CSNK2A2IP: variants seen among roughly 807,000 people sequenced by gnomAD.
CSNK2A2IP encodes the protein casein kinase 2 subunit alpha' interacting protein.
the CSNK2A2IP span, among the ~76,000 whole-genome samples, chr3:88,428,028 G>C: frequency 1.4e-4 from 21 of 152,160 alleles, no homozygotes; most frequent in South Asian, 2.1e-4. Context: ...CAGCCAGAAG[G>C]GGGGCTGTGG....
At chr3:88,466,317 C>T in the CSNK2A2IP span, 1 of 1,231,730 alleles carries the variant, frequency 8.1e-7, no homozygotes, top group East Asian at 3.2e-5. Flanking sequence ...TGTTTCAGCT[C>T]AATTCTCAGT....
chr3:88,440,356 A>C, the CSNK2A2IP span, among the ~76,000 whole-genome samples: 28 of 152,322 alleles, frequency 1.8e-4, no homozygotes, highest in East Asian at 4.4e-3. Flanking sequence ...GTAATTGGTA[A>C]CATACAATAG....
the CSNK2A2IP span, among the ~76,000 whole-genome samples, chr3:88,379,553 G>A: frequency 6.6e-6 from 1 of 151,992 alleles, no homozygotes; most frequent in Non-Finnish European, 1.5e-5. Context: ...TATTTTTGTA[G>A]GGTCTGAATT....
the CSNK2A2IP span, among the ~76,000 whole-genome samples, chr3:88,443,724 T>G: frequency 2.0e-5 from 3 of 152,160 alleles, no homozygotes; most frequent in Non-Finnish European, 2.9e-5. Context: ...CACAAAGATG[T>G]CATTAATGTT....
At chr3:88,437,606 C>CT in the CSNK2A2IP span, among the ~76,000 whole-genome samples, 1 of 152,048 alleles carries the variant, frequency 6.6e-6, no homozygotes, top group South Asian at 2.1e-4. Context: ...AAATTAGCAA[C>CT]TTTTTTTGCA....
the CSNK2A2IP span, among the ~76,000 whole-genome samples, chr3:88,418,463 T>TGTGTGTGCGCGCGCGCGCGC: frequency 2.0e-5 from 3 of 149,536 alleles, no homozygotes; most frequent in African/African-American, 7.4e-5. Flanking sequence ...TGTGTGTGTG[T>TGTGTGTGCGCGCGCGCGCGC]GCGCGCGGGC....
the CSNK2A2IP span, among the ~76,000 whole-genome samples, chr3:88,463,484 G>A: frequency 6.6e-6 from 1 of 152,054 alleles, no homozygotes; most frequent in Non-Finnish European, 1.5e-5. Flanking sequence ...CCCACTTTTT[G>A]ATGGGGTTGT....
chr3:88,440,274 T>G, the CSNK2A2IP span, among the ~76,000 whole-genome samples: 2 of 152,226 alleles, frequency 1.3e-5, no homozygotes, highest in Admixed American at 6.5e-5. Context: ...AATGCTAAAA[T>G]TTAGAACTAT....
chr3:88,375,774 AT>A, the CSNK2A2IP span, among the ~76,000 whole-genome samples: 4 of 151,810 alleles, frequency 2.6e-5, no homozygotes, highest in Non-Finnish European at 5.9e-5. Flanking sequence ...TTCCAAAATT[AT>A]TCTCACAAAA....
the CSNK2A2IP span, among the ~76,000 whole-genome samples, chr3:88,451,731 CTT>C: frequency 1.5e-3 from 220 of 143,430 alleles, no homozygotes; most frequent in Middle Eastern, 3.5e-3. Context: ...ATCTCTCTCT[CTT>C]TTTTTTTTTT....
chr3:88,377,020 AAAG>A, the CSNK2A2IP span, among the ~76,000 whole-genome samples: 25 of 151,808 alleles, frequency 1.6e-4, no homozygotes, highest in Non-Finnish European at 3.2e-4. Context: ...TTACCTACAA[AAAG>A]AAGGCGTTCC....
chr3:88,437,796 A>G, the CSNK2A2IP span, among the ~76,000 whole-genome samples: 1 of 152,166 alleles, frequency 6.6e-6, no homozygotes, highest in Non-Finnish European at 1.5e-5. Flanking sequence ...GTTTCTCACA[A>G]TTTTATCTCT....
chr3:88,341,423 T>C, the CSNK2A2IP span, among the ~76,000 whole-genome samples: 3 of 151,730 alleles, frequency 2.0e-5, no homozygotes, highest in Non-Finnish European at 4.4e-5. Flanking sequence ...GATATTTCTG[T>C]GTATGAATTC....
At chr3:88,423,148 C>G in the CSNK2A2IP span, among the ~76,000 whole-genome samples, 1 of 152,154 alleles carries the variant, frequency 6.6e-6, no homozygotes, top group African/African-American at 2.4e-5. Flanking sequence ...CTTCTGACAT[C>G]AGTTGAGCAA....
the CSNK2A2IP span, among the ~76,000 whole-genome samples, chr3:88,388,770 T>A: frequency 2.0e-5 from 3 of 152,176 alleles, no homozygotes; most frequent in Non-Finnish European, 4.4e-5. Flanking sequence ...CAATTTTTGG[T>A]TATTTGAACA....
the CSNK2A2IP span, among the ~76,000 whole-genome samples, chr3:88,341,465 A>T: frequency 3.3e-5 from 5 of 151,794 alleles, no homozygotes; most frequent in Admixed American, 2.6e-4. Flanking sequence ...ATGTAACTTT[A>T]GGTAAGTTAT....
the CSNK2A2IP span, among the ~76,000 whole-genome samples, chr3:88,455,888 G>A: frequency 1.5e-5 from 2 of 134,412 alleles, no homozygotes; most frequent in African/African-American, 2.6e-5. Flanking sequence ...TAAGGTCTAA[G>A]AGAAGGGTCC....
chr3:88,416,502 A>G, the CSNK2A2IP span, among the ~76,000 whole-genome samples: 1 of 152,174 alleles, frequency 6.6e-6, no homozygotes, highest in Admixed American at 6.5e-5. Context: ...AACAGATCAG[A>G]TGACATTAAA....
At chr3:88,440,475 A>G in the CSNK2A2IP span, among the ~76,000 whole-genome samples, 1 of 152,190 alleles carries the variant, frequency 6.6e-6, no homozygotes, top group Admixed American at 6.5e-5. Context: ...AAAAATGGGA[A>G]CTGCTCCAAA....
Sources: allele counts gnomAD v4.1 joint callset (sites outside exome capture counted in the v4.1 genomes callset), GRCh38; gene constraint gnomAD v4.1.1; transcripts MANE v1.5; gene names NCBI Gene and HGNC (gene_info 2026-07-23, HGNC 2026-07-21).